AGBL1: variants seen among roughly 807,000 people sequenced by gnomAD.
AGBL1 encodes the protein cytosolic carboxypeptidase 4.
In AGBL1, 130 loss-of-function variants were observed where a neutral mutation model predicts 118.9. The ratio of observed to expected loss-of-function variants is 1.09; its 90% CI spans 0.95 to 1.26. The LOEUF (loss-of-function observed/expected upper bound fraction) is 1.26. Ranked by LOEUF, AGBL1 falls within the 50% of genes most tolerant of loss-of-function variation. AGBL1 has a pLI of 0.00. For missense variants in AGBL1, 1,584 were observed against 1,298.1 expected, an observed-to-expected ratio of 1.22 and a Z score of -3.38; for synonymous variants, 555 against 478.9, an observed-to-expected ratio of 1.16 and a Z score of -2.08.
rs551512020 is a variant in AGBL1, at chr15:86,374,973, G to A, written c.2375-22393G>A. On this transcript the variant is annotated intron_variant, in intron 17 of 22. Coordinates refer to ENST00000614907, the MANE Select transcript of AGBL1 (RefSeq NM_001386094.1). ...GTGCTTAGTCAATGATGGATACATA[G>A]TAAATGTGTCTTAATTTGTTGTCTG... is the stretch of plus-strand genomic sequence containing the variant. Among the ~76,000 whole-genome samples, 81 of 152,290 alleles carry A rather than the reference G, an allele frequency of 5.3e-4. No individual in the cohort carries two copies. In the South Asian group the frequency reaches 0.016, roughly 30 times the overall value.
intron 17 of AGBL1, among the ~76,000 whole-genome samples, chr15:86,332,955 T>A (rs1168548124): frequency 6.6e-6 from 1 of 152,178 alleles, no homozygotes; most frequent in East Asian, 1.9e-4. Flanking sequence ...GAGTAAACAA[T>A]GAAATTAAGG....
At chr15:86,949,116 A>C (rs1277766090) in intron 23 of AGBL1, among the ~76,000 whole-genome samples, 2 of 152,238 alleles carry the variant, frequency 1.3e-5, no homozygotes, top group African/African-American at 4.8e-5. Context: ...TTAGAAGAAA[A>C]AAAGAAATAC....
chr15:86,345,998 T>C (rs1346745627), intron 17 of AGBL1, among the ~76,000 whole-genome samples: 2 of 152,148 alleles, frequency 1.3e-5, no homozygotes, highest in Non-Finnish European at 1.5e-5. Context: ...TTTTTTTTTT[T>C]TGAGATGGAG....
intron 18 of AGBL1, among the ~76,000 whole-genome samples, chr15:86,419,612 G>A (rs2081757609): frequency 6.6e-6 from 1 of 151,664 alleles, no homozygotes; most frequent in African/African-American, 2.4e-5. Flanking sequence ...CAGCAAGACA[G>A]AACCATTCAC....
At chr15:86,886,814 G>T (rs1305443150) in intron 22 of AGBL1, among the ~76,000 whole-genome samples, 1 of 152,136 alleles carries the variant, frequency 6.6e-6, no homozygotes, top group Non-Finnish European at 1.5e-5. Context: ...TTTGAGGAGA[G>T]GTGAGAGATC....
At chr15:86,661,279 A>G (rs1261550706) in intron 21 of AGBL1, among the ~76,000 whole-genome samples, 1 of 152,000 alleles carries the variant, frequency 6.6e-6, no homozygotes, top group African/African-American at 2.4e-5. Flanking sequence ...CTAAAATGAC[A>G]CCCTGTACCA....
chr15:86,445,694 C>T (rs62012333), intron 18 of AGBL1, among the ~76,000 whole-genome samples: 7,225 of 152,290 alleles, frequency 0.047, 302 homozygotes, highest in Non-Finnish European at 0.065. Context: ...TTTCCCTCCA[C>T]CTGACCTCAG....
intron 21 of AGBL1, among the ~76,000 whole-genome samples, chr15:86,611,100 A>G (rs1052569849): frequency 6.6e-6 from 1 of 152,206 alleles, no homozygotes; most frequent in Non-Finnish European, 1.5e-5. Flanking sequence ...CAGGACTTGT[A>G]TCTTGTATCT....
chr15:86,979,502 G>T (rs1018169788), intron 23 of AGBL1, among the ~76,000 whole-genome samples: 3 of 150,226 alleles, frequency 2.0e-5, no homozygotes, highest in Non-Finnish European at 3.0e-5. Context: ...TTTTTTGGCG[G>T]GGGGGAGATG....
chr15:86,803,079 T>C (rs1467492888), intron 22 of AGBL1, among the ~76,000 whole-genome samples: 1 of 152,124 alleles, frequency 6.6e-6, no homozygotes, highest in Non-Finnish European at 1.5e-5. Context: ...TGAGGGGCCA[T>C]AGTATGGTGA....
chr15:86,659,608 C>T (rs1055512617), intron 21 of AGBL1, among the ~76,000 whole-genome samples: 1 of 152,086 alleles, frequency 6.6e-6, no homozygotes, highest in African/African-American at 2.4e-5. Context: ...CATCCCAGTT[C>T]TTTTGTCAAC....
intron 22 of AGBL1, among the ~76,000 whole-genome samples, chr15:86,756,083 T>A (rs968065609): frequency 2.6e-5 from 4 of 152,024 alleles, no homozygotes; most frequent in African/African-American, 9.7e-5. Flanking sequence ...CATGCAGAAA[T>A]ATAGTAGGGT....
chr15:86,781,433 A>G (rs1275591955), intron 22 of AGBL1, among the ~76,000 whole-genome samples: 2 of 150,498 alleles, frequency 1.3e-5, no homozygotes, highest in African/African-American at 4.9e-5. Context: ...TGATATAAGA[A>G]TTTAGTAGCA....
intron 22 of AGBL1, among the ~76,000 whole-genome samples, chr15:86,727,037 C>A (rs924346141): frequency 6.6e-6 from 1 of 152,060 alleles, no homozygotes; most frequent in Non-Finnish European, 1.5e-5. Context: ...ATGCAGAACA[C>A]GTTTAAACTC....
chr15:86,246,401 G>C (rs2078722157), intron 6 of AGBL1, among the ~76,000 whole-genome samples: 1 of 152,178 alleles, frequency 6.6e-6, no homozygotes, highest in African/African-American at 2.4e-5. Context: ...GGGAGAGAGA[G>C]GTCTTGTTGT....
At chr15:86,806,856 A>G (rs1053667006) in intron 22 of AGBL1, among the ~76,000 whole-genome samples, 3 of 151,602 alleles carry the variant, frequency 2.0e-5, no homozygotes, top group African/African-American at 7.3e-5. Flanking sequence ...TTTTACATCT[A>G]TTATATTCTA....
At chr15:86,873,926 A>G (rs2079766503) in intron 22 of AGBL1, among the ~76,000 whole-genome samples, 1 of 152,198 alleles carries the variant, frequency 6.6e-6, no homozygotes, top group Admixed American at 6.5e-5. Context: ...TTATAATAGA[A>G]AGAACAGTGG....
intron 22 of AGBL1, among the ~76,000 whole-genome samples, chr15:86,883,554 C>A (rs1432646146): frequency 6.6e-6 from 1 of 152,164 alleles, no homozygotes; most frequent in South Asian, 2.1e-4. Context: ...ATCTGCTGAG[C>A]TCCTAGGGTG....
intron 22 of AGBL1, among the ~76,000 whole-genome samples, chr15:86,897,154 A>C (rs1028727547): frequency 7.9e-5 from 12 of 152,288 alleles, no homozygotes; most frequent in African/African-American, 2.4e-4. Context: ...ACTTTAGAAG[A>C]CTTATTTTTC....
Sources: gnomAD v4.1 joint callset for allele counts (sites outside exome capture counted in the v4.1 genomes callset) on GRCh38, gnomAD v4.1.1 for gene constraint, MANE v1.5 for transcripts, NCBI Gene and HGNC (gene_info 2026-07-23, HGNC 2026-07-21) for gene names.